The following PDE3A variants were observed in gnomAD, a reference collection of about 807,000 sequenced individuals.
PDE3A encodes phosphodiesterase 3A, also known as cGMP-inhibited 3',5'-cyclic phosphodiesterase 3A.
In PDE3A, 43 loss-of-function variants were observed where a neutral mutation model predicts 98.3. That is an observed-to-expected ratio of 0.44 (90% CI 0.34 to 0.56). The LOEUF is 0.56. PDE3A is among the 20% of genes least tolerant of loss of function. PDE3A has a pLI of 0.01. For missense variants in PDE3A, 1,427 were observed against 1,440.7 expected (o/e 0.99, Z 0.15); for synonymous variants, 663 against 567.9 (o/e 1.17, Z -2.38).
chr12:20,559,491 GATAATA>G (rs140415835), intron 2 of PDE3A, among the ~76,000 whole-genome samples: 3 of 149,178 alleles, frequency 2.0e-5, no homozygotes, highest in Admixed American at 1.3e-4. Context: ...TACAAATAAT[GATAATA>G]ATAATAATAA....
chr12:20,607,284 CA>C (rs147891540), intron 2 of PDE3A, among the ~76,000 whole-genome samples: 5,634 of 151,568 alleles, frequency 0.037, 141 homozygotes, highest in Non-Finnish European at 0.054. Context: ...ACCAAAAATA[CA>C]AAAAAATTAG....
intron 4 of PDE3A, 96 bp downstream of exon 4, chr12:20,616,480 A>ATTTGG (rs1435582199): frequency 1.7e-6 from 2 of 1,206,976 alleles, no homozygotes; most frequent in Non-Finnish European, 2.3e-6. Flanking sequence ...AACCAATTAC[A>ATTTGG]TTTGGTTGGA....
chr12:20,656,445 A>G (rs1945046520), intron 15 of PDE3A, among the ~76,000 whole-genome samples: 1 of 152,214 alleles, frequency 6.6e-6, no homozygotes, highest in African/African-American at 2.4e-5. Context: ...TACTTTTTGT[A>G]GAATGGGGGA....
intron 1 of PDE3A, among the ~76,000 whole-genome samples, chr12:20,486,796 G>A (rs1945734732): frequency 6.6e-6 from 1 of 152,124 alleles, no homozygotes; most frequent in African/African-American, 2.4e-5. Context: ...ACCACATCTG[G>A]CTAGTTTTTG....
At chr12:20,523,356 G>A (rs1946463933) in intron 1 of PDE3A, among the ~76,000 whole-genome samples, 1 of 152,130 alleles carries the variant, frequency 6.6e-6, no homozygotes, top group Non-Finnish European at 1.5e-5. Flanking sequence ...TTAAAACTTA[G>A]AGAATATGCA....
At chr12:20,483,631 T>C (rs1219990017) in intron 1 of PDE3A, among the ~76,000 whole-genome samples, 1 of 152,200 alleles carries the variant, frequency 6.6e-6, no homozygotes, top group Non-Finnish European at 1.5e-5. Context: ...CTTTCCTATT[T>C]CCTTATATTA....
chr12:20,565,332 G>T (rs964442226), intron 2 of PDE3A, among the ~76,000 whole-genome samples: 3 of 151,926 alleles, frequency 2.0e-5, no homozygotes, highest in Non-Finnish European at 2.9e-5. Flanking sequence ...TTTATCTCAC[G>T]CTGGGTGATT....
Position 20,369,987 on chromosome 12 carries a change from G to T in PDE3A, c.703G>T (p.Ala235Ser). The change falls in exon 1 of 16, where the codon GCC becomes TCC. Residue 235 changes from alanine (A) to serine (S), a missense_variant. By Grantham distance (99) the Ala-to-Ser change is moderately conservative (BLOSUM62 1). Transcript: ENST00000359062. ...CATTTCCTTAGAGAGGTTCAAGGTC[G>T]CCTGGAGACCTTACCTGGCGTACCT... Reference protein sequence around the residue: ...SLISLERFKVAWRPYLAYLAG... With the variant: ...SLISLERFKVSWRPYLAYLAG... The T allele has an allele frequency of 4.3e-6, 7 of 1,613,140 alleles. No homozygotes were observed. The highest frequency in any genetic ancestry group is 1.1e-5 in the South Asian group (1 of 91,076).
At chr12:20,581,611 CT>C (rs903970940) in intron 2 of PDE3A, among the ~76,000 whole-genome samples, 11 of 76,382 alleles carry the variant, frequency 1.4e-4, no homozygotes, top group South Asian at 1.4e-3. Context: ...GATTTCTTTT[CT>C]TTTCTTTTTT....
chr12:20,643,135 G>T (rs1592140679), intron 10 of PDE3A, among the ~76,000 whole-genome samples: 1 of 152,098 alleles, frequency 6.6e-6, no homozygotes, highest in Non-Finnish European at 1.5e-5. Flanking sequence ...TATTAAAGAG[G>T]GCGAGGGGGT....
intron 2 of PDE3A, among the ~76,000 whole-genome samples, chr12:20,603,774 G>A (rs1041631168): frequency 1.9e-4 from 29 of 152,172 alleles, no homozygotes; most frequent in Admixed American, 1.6e-3. Flanking sequence ...TTTGGACCAC[G>A]CACTCTCACA....
intron 15 of PDE3A, among the ~76,000 whole-genome samples, chr12:20,662,528 G>T (rs34774965): frequency 7.9e-5 from 12 of 152,142 alleles, no homozygotes; most frequent in Non-Finnish European, 1.3e-4. Flanking sequence ...GGCCTGTAGC[G>T]CCTTTGTTTC....
intron 1 of PDE3A, among the ~76,000 whole-genome samples, chr12:20,405,973 G>A (rs1434176074): frequency 1.3e-5 from 2 of 152,242 alleles, no homozygotes; most frequent in East Asian, 3.9e-4. Context: ...ATGTAAGTGA[G>A]ATCATGTGGT....
chr12:20,369,508 C>T lies in PDE3A; in HGVS notation c.224C>T (p.Ala75Val), dbSNP rs977950425. Residue 75 changes from alanine to valine, a missense_variant, in exon 1 of 16, where the codon GCG becomes GTG. This residue lies in a region of PDE3A where 1,012 missense variants were observed against 886.5 expected (regional missense o/e 1.14). Transcript: ENST00000359062. ...LCAGSLSFLLALLVRLVRGEV... is the reference protein window; with the variant it reads ...LCAGSLSFLLVLLVRLVRGEV... ...GCGGGCTCCCTGTCCTTTCTGCTGG[C>T]GCTGCTGGTGAGGCTGGTCCGCGGG... is the stretch of plus-strand genomic sequence containing the variant. The T allele has an allele frequency of 1.3e-6, 2 of 1,560,782 alleles. No individual in the cohort carries two copies. Among genetic ancestry groups the T allele is most frequent in the Non-Finnish European group, 1.7e-6 (2 of 1,152,428 alleles).
At chr12:20,441,937 C>A (rs1183379300) in intron 1 of PDE3A, among the ~76,000 whole-genome samples, 1 of 152,186 alleles carries the variant, frequency 6.6e-6, no homozygotes, top group Non-Finnish European at 1.5e-5. Flanking sequence ...TCTATAGCTT[C>A]ATTTGTAACT....
intron 1 of PDE3A, among the ~76,000 whole-genome samples, chr12:20,539,025 A>T (rs879826076): frequency 6.6e-6 from 1 of 152,034 alleles, no homozygotes; most frequent in South Asian, 2.1e-4. Context: ...ACACGTGCCA[A>T]TTATATTCCA....
intron 2 of PDE3A, among the ~76,000 whole-genome samples, chr12:20,608,395 ATAG>A (rs1943766807): frequency 6.6e-6 from 1 of 151,832 alleles, no homozygotes; most frequent in Non-Finnish European, 1.5e-5. Context: ...TTTTTTTCCA[ATAG>A]TAGAAGTGTT....
intron 2 of PDE3A, among the ~76,000 whole-genome samples, chr12:20,587,439 AT>A (rs34663344): frequency 0.57 from 85,566 of 150,706 alleles, 24,213 homozygotes; most frequent in Admixed American, 0.64. Flanking sequence ...ATTGGGATGA[AT>A]TTTTTTTTTT....
chr12:20,388,406 C>T lies in PDE3A; in HGVS notation c.960+18162C>T, dbSNP rs7974028. On this transcript the variant is annotated intron_variant, in intron 1 of 15. Coordinates refer to ENST00000359062, the MANE Select transcript of PDE3A (RefSeq NM_000921.5). ...CGCTTTATGAAAATATATACATCCA[C>T]GTGTATGCACATATATACCGAAACA... is the stretch of plus-strand genomic sequence containing the variant. Among the ~76,000 whole-genome samples, 548 of 152,082 alleles carry T rather than the reference C, an allele frequency of 3.6e-3. 5 individuals are homozygous for T. The highest frequency in any genetic ancestry group is 0.013 in the African/African-American group (526 of 41,514).
Sources: gnomAD v4.1 joint callset for allele counts (sites outside exome capture counted in the v4.1 genomes callset) on GRCh38, gnomAD v4.1.1 for gene constraint, gnomAD v4.1.1 regional missense constraint, MANE v1.5 for transcripts, NCBI Gene and HGNC (gene_info 2026-07-23, HGNC 2026-07-21) for gene names.